The following RABEPK variants were observed in gnomAD, a reference collection of about 807,000 sequenced individuals.
The protein encoded by RABEPK is 40 kDa Rab9 effector protein.
Under a neutral mutation model 34.1 loss-of-function variants are expected in RABEPK, and 27 were observed. The ratio of observed to expected loss-of-function variants is 0.79; its 90% CI spans 0.58 to 1.09. The LOEUF is 1.09. RABEPK is among the 50% of genes least tolerant of loss of function. The pLI is 0.00. For missense variants in RABEPK, 449 were observed against 462.6 expected (o/e 0.97, Z 0.27); for synonymous variants, 172 against 169.2 (o/e 1.02, Z -0.13).
At position 125,213,424 on chromosome 9, in the gene RABEPK, A is replaced by G. The variant is rs745438166; in HGVS notation, c.266A>G (p.His89Arg). 35 of 1,613,882 alleles carry G rather than the reference A, an allele frequency of 2.2e-5. 1 individual carries two copies. In the South Asian group the frequency reaches 3.4e-4, roughly 16 times the overall value. ...TCKGLLPRYEHASFIPSCTPD... is the reference protein window; with the variant it reads ...TCKGLLPRYERASFIPSCTPD... Reference sequence around the variant, plus strand: ...AAGGGCCTCTTGCCCCGGTATGAACATGCTAGCTTCATTCCCTCCTGCACA... The same window carrying G: ...AAGGGCCTCTTGCCCCGGTATGAACGTGCTAGCTTCATTCCCTCCTGCACA... Residue 89 changes from histidine (H) to arginine (R), a missense_variant, in exon 4 of 8, where the codon CAT becomes CGT. Transcript: ENST00000373538.
intron 5 of RABEPK, 53 bp from the exon 6 acceptor site, chr9:125,227,857 G>C: frequency 6.8e-7 from 1 of 1,479,106 alleles, no homozygotes; most frequent in Admixed American, 2.1e-5. Flanking sequence ...CCTGTTTCTC[G>C]TGTTCTTTTT....
At chr9:125,233,667 C>G (rs202006213) in intron 7 of RABEPK, 21 bp from the exon 8 acceptor site, 21 of 1,601,722 alleles carry the variant, frequency 1.3e-5, no homozygotes, top group Middle Eastern at 1.7e-4. Flanking sequence ...TAACATGAAG[C>G]CTTTTCCCTC....
At position 125,233,738 on chromosome 9, in the gene RABEPK, C is replaced by T. The variant is rs368200741; in HGVS notation, c.877C>T (p.Arg293Ter). Reference protein sequence around the residue: ...LKFDTLLPPGRLDHSMCIIPW... With the variant: ...LKFDTLLPPG ...ATTTGATACTCTTCTACCCCCTGGA[C>T]GATTGGACCATTCCATGTGTATCAT... Residue 293 changes from arginine to a stop codon, truncating the protein, a stop_gained, in exon 8 of 8, where the codon CGA becomes TGA. Coordinates refer to ENST00000373538, the MANE Select transcript of RABEPK (RefSeq NM_005833.4). LOFTEE classifies it low-confidence loss of function (END_TRUNC). The T allele has an allele frequency of 1.1e-5, 18 of 1,613,924 alleles. No individual in the cohort carries two copies. Among genetic ancestry groups the T allele is most frequent in the African/African-American group, 5.3e-5 (4 of 74,906 alleles).
intron 6 of RABEPK, among the ~76,000 whole-genome samples, chr9:125,232,150 C>T (rs1832233703): frequency 6.6e-6 from 1 of 151,846 alleles, no homozygotes; most frequent in Non-Finnish European, 1.5e-5. Context: ...CCGCCCGCCT[C>T]GGCCTCCCAA....
At chr9:125,220,268 C>T (rs1831230291) in intron 4 of RABEPK, 3 of 1,320,670 alleles carry the variant, frequency 2.3e-6, no homozygotes, top group Non-Finnish European at 2.9e-6. Context: ...TCCCAAAGTG[C>T]TGGGATTACA....
At chr9:125,203,979 C>G (rs1018313996) in intron 2 of RABEPK, among the ~76,000 whole-genome samples, 1 of 142,918 alleles carries the variant, frequency 7.0e-6, no homozygotes, top group Non-Finnish European at 1.5e-5. Flanking sequence ...TTGCAGTGAG[C>G]TGAGATCATG....
intron 6 of RABEPK, among the ~76,000 whole-genome samples, chr9:125,229,916 C>G (rs1832049971): frequency 2.0e-5 from 3 of 152,164 alleles, no homozygotes; most frequent in Admixed American, 1.3e-4. Flanking sequence ...ATTTTGTTCT[C>G]CAGTACATTT....
At chr9:125,226,242 G>A (rs922368529) in intron 5 of RABEPK, among the ~76,000 whole-genome samples, 4 of 151,752 alleles carry the variant, frequency 2.6e-5, no homozygotes, top group Non-Finnish European at 5.9e-5. Flanking sequence ...ACTTGAACCT[G>A]GGAGGTGGAG....
chr9:125,216,450 A>ACC (rs1830931993), intron 4 of RABEPK, among the ~76,000 whole-genome samples: 1 of 150,242 alleles, frequency 6.7e-6, no homozygotes, highest in Non-Finnish European at 1.5e-5. Context: ...ATAGTTGGTC[A>ACC]GAGTTCAGGA....
At chr9:125,230,696 C>T (rs190635103) in intron 6 of RABEPK, among the ~76,000 whole-genome samples, 102 of 151,838 alleles carry the variant, frequency 6.7e-4, no homozygotes, top group African/African-American at 2.2e-3. Flanking sequence ...CCACCACGCC[C>T]GGCTAATTTT....
chr9:125,226,880 T>C (rs759191519), intron 5 of RABEPK, among the ~76,000 whole-genome samples: 5 of 143,656 alleles, frequency 3.5e-5, no homozygotes, highest in African/African-American at 5.2e-5. Flanking sequence ...ATAATAATAA[T>C]AAATAGAAGC....
chr9:125,221,006 C>A (rs1379065832), intron 5 of RABEPK: 4 of 216,654 alleles, frequency 1.8e-5, no homozygotes, highest in Non-Finnish European at 3.6e-5. Flanking sequence ...ACTAAAAACA[C>A]AAAAATTATC....
At chr9:125,219,470 C>T (rs1020830129) in intron 4 of RABEPK, among the ~76,000 whole-genome samples, 2 of 152,092 alleles carry the variant, frequency 1.3e-5, no homozygotes, top group African/African-American at 4.8e-5. Context: ...TCTCAGCTCA[C>T]TGCATCCTCC....
intron 4 of RABEPK, among the ~76,000 whole-genome samples, chr9:125,215,720 T>C (rs1350504724): frequency 6.6e-6 from 1 of 152,204 alleles, no homozygotes; most frequent in East Asian, 1.9e-4. Flanking sequence ...TTTACCATTA[T>C]AATTAACAAA....
Position 125,228,022 on chromosome 9 carries a change from G to C in RABEPK, c.639G>C (p.Gly213=), listed in dbSNP as rs201037985. ...TKLFIHGGLA[G]DRFYDDLHCI... is the part of the protein sequence containing the mutation. ...TCTTCATCCACGGAGGCTTGGCGGG[G>C]GACAGATTCTATGATGACCTCCACT... Residue 213 remains glycine, a synonymous_variant, in exon 6 of 8, where the codon GGG becomes GGC. Coordinates refer to ENST00000373538, the MANE Select transcript of RABEPK (RefSeq NM_005833.4). 2 of 1,603,234 alleles carry C rather than the reference G, an allele frequency of 1.2e-6. No homozygotes were observed. The highest frequency in any genetic ancestry group is 4.5e-5 in the East Asian group (2 of 44,070).
chr9:125,209,328 G>A (rs1184451566), intron 3 of RABEPK, among the ~76,000 whole-genome samples: 1 of 150,886 alleles, frequency 6.6e-6, no homozygotes, highest in Non-Finnish European at 1.5e-5. Flanking sequence ...CAAAGTGCTG[G>A]GATTATGCAT....
intron 4 of RABEPK, among the ~76,000 whole-genome samples, chr9:125,219,176 T>C (rs1228828278): frequency 2.6e-5 from 4 of 151,168 alleles, no homozygotes; most frequent in Non-Finnish European, 5.9e-5. Flanking sequence ...TATTGTCTTT[T>C]TTTTTTTTTC....
At chr9:125,224,329 C>T (rs1831580861) in intron 5 of RABEPK, among the ~76,000 whole-genome samples, 1 of 151,914 alleles carries the variant, frequency 6.6e-6, no homozygotes, top group Non-Finnish European at 1.5e-5. Context: ...AGAAGGGTTG[C>T]CTGTAGTAAA....
At position 125,210,142 on chromosome 9, in the gene RABEPK, G is replaced by A. The variant is rs141892787; in HGVS notation, c.211+2421G>A. On this transcript the variant is annotated intron_variant, in intron 3 of 7. Coordinates refer to ENST00000373538, the MANE Select transcript of RABEPK (RefSeq NM_005833.4). ...ATTGGATCTGGGCGCAGTGGCTCAC[G>A]CCTCTAATCCCAGCACTTTGGGAGG... Among the ~76,000 whole-genome samples, 496 of 152,326 alleles carry A rather than the reference G, an allele frequency of 3.3e-3. 7 individuals are homozygous for A. Among genetic ancestry groups the A allele is most frequent in the South Asian group, 0.024 (117 of 4,822 alleles).
Sources: allele counts gnomAD v4.1 joint callset (sites outside exome capture counted in the v4.1 genomes callset), GRCh38; gene constraint gnomAD v4.1.1; transcripts MANE v1.5; gene names NCBI Gene and HGNC (gene_info 2026-07-23, HGNC 2026-07-21).